The following PMPCA variants were observed in gnomAD, a reference collection of about 807,000 sequenced individuals.
The protein encoded by PMPCA is peptidase, mitochondrial processing subunit alpha, also known as mitochondrial-processing peptidase subunit alpha.
Under a neutral mutation model 59.3 loss-of-function variants are expected in PMPCA, and 47 were observed. The observed-to-expected ratio is 0.79, with a 90% confidence interval of 0.63 to 1.01. The LOEUF (loss-of-function observed/expected upper bound fraction) is 1.01. Ranked by LOEUF, PMPCA falls within the 50% of genes least tolerant of loss-of-function variation. The pLI is 0.00. For synonymous variants in PMPCA, 338 were observed against 290.3 expected (o/e 1.16, Z -1.67); for missense variants, 726 against 704.5 (o/e 1.03, Z -0.34).
chr9:136,419,211 G>A (rs1835375980), intron 11 of PMPCA, 105 bp downstream of exon 11: 1 of 1,094,778 alleles, frequency 9.1e-7, no homozygotes, highest in Admixed American at 1.7e-5. Flanking sequence ...GAGCCTCAGG[G>A]CCAAGGTCCC....
chr9:136,416,473 G>T, intron 6 of PMPCA, 82 bp downstream of exon 6: 1 of 970,484 alleles, frequency 1.0e-6, no homozygotes, highest in Non-Finnish European at 1.7e-6. Flanking sequence ...GGGTGCCTCC[G>T]TGATGTTGTC....
intron 12 of PMPCA, chr9:136,422,775 G>A (rs1835494801): frequency 5.3e-6 from 6 of 1,141,192 alleles, no homozygotes; most frequent in African/African-American, 1.6e-5. Context: ...GGGGGCTGGG[G>A]GTTTTTTCTG....
At chr9:136,418,498 A>G (rs1835347788) in intron 8 of PMPCA, 57 bp from the exon 9 acceptor site, 4 of 1,092,276 alleles carry the variant, frequency 3.7e-6, no homozygotes, top group Admixed American at 3.5e-5. Context: ...CTGGCGTCTG[A>G]CGGTGCTCCT....
intron 11 of PMPCA, 115 bp downstream of exon 11, chr9:136,419,221 C>T (rs765637892): frequency 2.4e-5 from 25 of 1,024,400 alleles, no homozygotes; most frequent in Non-Finnish European, 3.3e-5. Flanking sequence ...GCCAAGGTCC[C>T]GGCAGGGCAG....
At chr9:136,418,770 T>A in intron 9 of PMPCA, 58 bp from the exon 10 acceptor site, 1 of 1,523,022 alleles carries the variant, frequency 6.6e-7, no homozygotes, top group Non-Finnish European at 9.1e-7. Context: ...TTCTCCAGTT[T>A]CCCATGGCCT....
intron 6 of PMPCA, 86 bp from the exon 7 acceptor site, chr9:136,416,865 C>G: frequency 4.5e-6 from 6 of 1,321,806 alleles, no homozygotes; most frequent in Middle Eastern, 2.7e-4. Flanking sequence ...CCAGGGCTGG[C>G]TGCAGATGGG....
chr9:136,421,795 G>T, intron 11 of PMPCA, 37 bp from the exon 12 acceptor site: 1 of 1,545,414 alleles, frequency 6.5e-7, no homozygotes, highest in East Asian at 2.3e-5. Context: ...GTGGCACGGG[G>T]CGGGTGTGTG....
chr9:136,410,859 A>C, intron 1 of PMPCA, 120 bp downstream of exon 1: 1 of 840,982 alleles, frequency 1.2e-6, no homozygotes, highest in Non-Finnish European at 1.6e-6. Context: ...GCACTTCGGG[A>C]CACTGGTGTC....
rs554876034 is a variant in PMPCA at position 136,411,912 on chromosome 9, C to G, written c.72-85C>G. On this transcript the variant is annotated intron_variant, in intron 1 of 12. Coordinates refer to ENST00000371717, the MANE Select transcript of PMPCA (RefSeq NM_015160.3). ...GGCAGATGCTCACTTTTAACCCAGA[C>G]AAAACATAACTAACCGCACCTAACA... 1.5e-5 allele frequency: 12 copies of G among 792,774 alleles called. No homozygotes were observed. The East Asian group carries it at 3.2e-4, about 21-fold the overall frequency. The allele number at this position is 792,774 out of a possible 1,614,324, so 49.1% of individuals were successfully genotyped here.
At chr9:136,421,281 G>C (rs559925538) in intron 11 of PMPCA, among the ~76,000 whole-genome samples, 3 of 152,252 alleles carry the variant, frequency 2.0e-5, no homozygotes, top group Non-Finnish European at 2.9e-5. Context: ...AAGAACTCAA[G>C]GGAGGCACAT....
chr9:136,422,567 C>T, intron 12 of PMPCA: 2 of 1,016,210 alleles, frequency 2.0e-6, no homozygotes, highest in South Asian at 3.9e-5. Flanking sequence ...GAGTCCCGGG[C>T]ACTTGCCCTG....
intron 12 of PMPCA, chr9:136,422,201 C>T (rs1193585009): frequency 2.0e-6 from 3 of 1,493,522 alleles, no homozygotes; most frequent in Non-Finnish European, 2.7e-6. Context: ...GCCTCCTTGG[C>T]AGGTGACCCC....
intron 8 of PMPCA, 31 bp downstream of exon 8, chr9:136,418,140 C>A (rs568108351): frequency 2.0e-6 from 3 of 1,481,346 alleles, no homozygotes; most frequent in Admixed American, 1.7e-5. Context: ...TGATGGCGTT[C>A]CTGATGCAGT....
intron 7 of PMPCA, 148 bp from the exon 8 acceptor site, chr9:136,417,869 T>C: frequency 1.5e-6 from 1 of 677,416 alleles, no homozygotes; most frequent in Non-Finnish European, 2.7e-6. Context: ...CACCTTGGCC[T>C]CCCAAAGTGC....
At chr9:136,412,662 AGT>A (rs750377749) in intron 3 of PMPCA, 93 bp downstream of exon 3, 2 of 788,558 alleles carry the variant, frequency 2.5e-6, no homozygotes, top group Non-Finnish European at 4.3e-6. Flanking sequence ...TAAATTATCA[AGT>A]TGCTAAGTTA....
At chr9:136,422,037 G>A (rs1241338270) in intron 12 of PMPCA, 61 bp downstream of exon 12, 19 of 1,559,566 alleles carry the variant, frequency 1.2e-5, no homozygotes, top group East Asian at 2.4e-5. Flanking sequence ...AGAGGAGGCC[G>A]TCTCGCCCTC....
At chr9:136,416,426 C>G (rs762389022) in intron 6 of PMPCA, 35 bp downstream of exon 6, 9 of 1,437,990 alleles carry the variant, frequency 6.3e-6, no homozygotes, top group Middle Eastern at 1.7e-4. Context: ...CCCCGCATCT[C>G]GAACAGTGGT....
intron 6 of PMPCA, chr9:136,416,722 T>C: frequency 3.4e-6 from 2 of 592,008 alleles, no homozygotes; most frequent in East Asian, 2.8e-5. Flanking sequence ...ACTAGGTCTT[T>C]ACTACTAAAC....
At position 136,412,576 on chromosome 9, in the gene PMPCA, A is replaced by T. The variant is rs1835164088; in HGVS notation, c.354+7A>T. On this transcript the variant is annotated splice_region_variant and intron_variant, in intron 3 of 12. Transcript: ENST00000371717. ...GGAAAAATTGGCATTTTCGGTCAGT[A>T]CCCAGTTTTGTAATTTTTTAGACTA... is the stretch of plus-strand genomic sequence containing the variant. 2.0e-6 allele frequency: 3 copies of T among 1,493,520 alleles called. No individual in the cohort carries two copies. Among genetic ancestry groups the T allele is most frequent in the Non-Finnish European group, 2.8e-6 (3 of 1,075,846 alleles). 92.5% of individuals were successfully genotyped at this position (1,493,520 alleles called of 1,614,324 possible).
Sources: allele counts gnomAD v4.1 joint callset (sites outside exome capture counted in the v4.1 genomes callset), GRCh38; gene constraint gnomAD v4.1.1; transcripts MANE v1.5; gene names NCBI Gene and HGNC (gene_info 2026-07-23, HGNC 2026-07-21).